Variants in PLCG2 observed in about 807,000 individuals in gnomAD.
PLCG2 encodes the protein phospholipase C gamma 2, also known as 1-phosphatidylinositol 4,5-bisphosphate phosphodiesterase gamma-2.
PLCG2 carries 69 observed loss-of-function variants against 175.6 expected under a neutral mutation model. The ratio of observed to expected loss-of-function variants is 0.39; its 90% confidence interval spans 0.32 to 0.48. The LOEUF is 0.48. PLCG2 is among the 20% of genes least tolerant of loss of function. The pLI, the probability that PLCG2 is intolerant of heterozygous loss-of-function variation, is 0.91. For synonymous variants in PLCG2, 827 were observed against 624.0 expected (o/e 1.33, Z -4.85); for missense variants, 1,798 against 1,650.9 (o/e 1.09, Z -1.54).
intron 13 of PLCG2, among the ~76,000 whole-genome samples, chr16:81,899,911 A>G (rs1046951758): frequency 2.6e-5 from 4 of 152,226 alleles, no homozygotes; most frequent in Non-Finnish European, 4.4e-5. Context: ...CACACGCTCA[A>G]AAGGCCCTGA....
At chr16:81,793,556 A>G (rs78744279) in intron 2 of PLCG2, among the ~76,000 whole-genome samples, 1,679 of 152,264 alleles carry the variant, frequency 0.011, 29 homozygotes, top group African/African-American at 0.039. Flanking sequence ...ACTTTTGCTT[A>G]GGCATATCTT....
At chr16:81,859,627 T>C (rs71400180) in intron 5 of PLCG2, among the ~76,000 whole-genome samples, 20,863 of 151,220 alleles carry the variant, frequency 0.14, 1,682 homozygotes, top group Middle Eastern at 0.2. Flanking sequence ...CTCCGCCTCC[T>C]GGGTTCATGC....
chr16:81,858,416 A>G (rs576416290), intron 4 of PLCG2, 60 bp downstream of exon 4: 255 of 1,198,976 alleles, frequency 2.1e-4, no homozygotes, highest in South Asian at 8.5e-4. Flanking sequence ...TGCTGCCTTT[A>G]GCCAACATGG....
At chr16:81,817,797 C>A (rs550516313) in intron 2 of PLCG2, among the ~76,000 whole-genome samples, 1 of 152,334 alleles carries the variant, frequency 6.6e-6, no homozygotes, top group South Asian at 2.1e-4. Flanking sequence ...GTGATTCTTT[C>A]ACTTAACACA....
chr16:81,953,288 T>C (rs1447412946), intron 31 of PLCG2, among the ~76,000 whole-genome samples: 4 of 152,284 alleles, frequency 2.6e-5, no homozygotes, highest in African/African-American at 7.2e-5. Flanking sequence ...ATAAGATCTG[T>C]AGTTTTAGTA....
At chr16:81,767,055 C>T (rs1006636955) in intron 2 of PLCG2, 1 of 151,944 alleles carries the variant, frequency 6.6e-6, no homozygotes, top group African/African-American at 2.4e-5. Context: ...CTGAGTCTTT[C>T]CCCAGAGTGG....
At chr16:81,937,976 G>C in intron 28 of PLCG2, 73 bp downstream of exon 28, 2 of 1,464,398 alleles carry the variant, frequency 1.4e-6, no homozygotes, top group Non-Finnish European at 1.9e-6. Flanking sequence ...GCTGTCTTGA[G>C]AGCAGGGAAC....
intron 2 of PLCG2, among the ~76,000 whole-genome samples, chr16:81,846,312 C>T (rs1906114674): frequency 6.6e-6 from 1 of 152,198 alleles, no homozygotes; most frequent in Non-Finnish European, 1.5e-5. Flanking sequence ...CCGCCACTCC[C>T]TATACAGTCA....
intron 3 of PLCG2, among the ~76,000 whole-genome samples, chr16:81,857,752 T>C (rs1226203864): frequency 6.6e-6 from 1 of 152,210 alleles, no homozygotes; most frequent in Non-Finnish European, 1.5e-5. Flanking sequence ...ATTCAACATA[T>C]GAATTCGGAA....
intron 2 of PLCG2, among the ~76,000 whole-genome samples, chr16:81,767,270 G>A (rs914341410): frequency 2.7e-5 from 4 of 146,528 alleles, no homozygotes; most frequent in Admixed American, 7.1e-5. Context: ...TCAGCCTCCC[G>A]AATAGCTGGG....
rs1911694356 is a variant in PLCG2, at chr16:81,959,283, G to C, written c.*1285G>C. 4.5e-6 allele frequency: 1 copy of C among 224,024 alleles called. No homozygotes were observed. The highest frequency in any genetic ancestry group is 1.8e-4 in the South Asian group (1 of 5,454). The allele number at this position is 224,024 out of a possible 1,614,324, so 13.9% of individuals were successfully genotyped here. On this transcript the variant is annotated 3_prime_UTR_variant, in exon 33 of 33. Coordinates refer to ENST00000564138, the MANE Select transcript of PLCG2 (RefSeq NM_002661.5). ...GGAACTGGCCCCTAGAAACCCATCT[G>C]ACCCTCCTCTTGTTACCCGAAATGC...
Position 81,900,829 on chromosome 16 carries a change from C to T in PLCG2, c.1362+49C>T, listed in dbSNP as rs770369761. The T allele has an allele frequency of 3.7e-5, 57 of 1,538,936 alleles. No homozygotes were observed. The Middle Eastern group carries it at 1.4e-3, about 39-fold the overall frequency. On this transcript the variant is annotated intron_variant, in intron 14 of 32. Transcript: ENST00000564138. ...TGGCTGTCCAGGGAGCCCAGTGGCT[C>T]GGTTCCCCGGCTCTGGGTCCCGTTC... is the stretch of plus-strand genomic sequence containing the variant.
At chr16:81,889,619 G>C (rs1316757840) in intron 10 of PLCG2, among the ~76,000 whole-genome samples, 4 of 151,950 alleles carry the variant, frequency 2.6e-5, no homozygotes, top group Non-Finnish European at 5.9e-5. Context: ...CCCTTTCAGA[G>C]GCTGGAGTTT....
chr16:81,883,444 A>C, intron 9 of PLCG2, 103 bp downstream of exon 9: 1 of 850,450 alleles, frequency 1.2e-6, no homozygotes, highest in South Asian at 1.4e-5. Context: ...ACCTGTGCTC[A>C]CCTGGCCACC....
At chr16:81,925,973 TTGGATGACTGTGGGGA>T (rs1910255568) in intron 22 of PLCG2, among the ~76,000 whole-genome samples, 1 of 151,820 alleles carries the variant, frequency 6.6e-6, no homozygotes. Flanking sequence ...ATGTGGCTGC[TTGGATGACTGTGGGGA>T]CAGGATGCCA....
chr16:81,747,156 C>T (rs1366210588), intron 1 of PLCG2, among the ~76,000 whole-genome samples: 1 of 152,158 alleles, frequency 6.6e-6, no homozygotes, highest in Non-Finnish European at 1.5e-5. Context: ...ATTACAAAGG[C>T]ATATATGTGC....
intron 14 of PLCG2, among the ~76,000 whole-genome samples, chr16:81,903,100 C>T (rs1909220584): frequency 6.6e-6 from 1 of 152,170 alleles, no homozygotes. Context: ...AATACCATTA[C>T]ATTGGGGATT....
chr16:81,820,510 G>C (rs951242253), intron 2 of PLCG2, among the ~76,000 whole-genome samples: 1 of 152,128 alleles, frequency 6.6e-6, no homozygotes, highest in Non-Finnish European at 1.5e-5. Context: ...TTCCTTTTCT[G>C]TTGCTGAGCA....
intron 7 of PLCG2, among the ~76,000 whole-genome samples, chr16:81,872,629 A>G (rs7199578): frequency 0.55 from 83,225 of 152,144 alleles, 23,517 homozygotes; most frequent in Middle Eastern, 0.62. Flanking sequence ...CACACATTCA[A>G]TAAGTAGGGG....
Sources: allele counts gnomAD v4.1 joint callset (sites outside exome capture counted in the v4.1 genomes callset), GRCh38; gene constraint gnomAD v4.1.1; transcripts MANE v1.5; gene names NCBI Gene and HGNC (gene_info 2026-07-23, HGNC 2026-07-21).